The following PSD4 variants were observed in gnomAD, a reference collection of about 807,000 sequenced individuals.
PSD4 encodes the protein pleckstrin and Sec7 domain containing 4, also known as PH and SEC7 domain-containing protein 4.
Under a neutral mutation model 112.5 loss-of-function variants are expected in PSD4, and 59 were observed. The ratio of observed to expected loss-of-function variants is 0.52; its 90% CI spans 0.43 to 0.65. The LOEUF is 0.65. Among genes scored for constraint, PSD4 ranks in the 30% least tolerant of loss-of-function variants. The pLI is 0.00. For missense variants in PSD4, 1,267 were observed against 1,352.6 expected (o/e 0.94, Z 0.99); for synonymous variants, 533 against 540.0 (o/e 0.99, Z 0.18).
intron 2 of PSD4, among the ~76,000 whole-genome samples, chr2:113,183,961 T>C (rs1420053985): frequency 6.6e-6 from 1 of 152,198 alleles, no homozygotes; most frequent in Non-Finnish European, 1.5e-5. Context: ...TCCAGTCCTC[T>C]CTCTTCTTGA....
intron 1 of PSD4, among the ~76,000 whole-genome samples, chr2:113,181,599 T>C (rs1432643195): frequency 6.6e-6 from 1 of 152,090 alleles, no homozygotes; most frequent in Non-Finnish European, 1.5e-5. Context: ...AGCCTCTTCC[T>C]CCCTAGAAGG....
intron 12 of PSD4, among the ~76,000 whole-genome samples, chr2:113,196,878 T>C (rs985165025): frequency 6.6e-6 from 1 of 152,216 alleles, no homozygotes; most frequent in African/African-American, 2.4e-5. Flanking sequence ...TGGGCCTTAT[T>C]CCACAGGCAG....
At chr2:113,179,557 G>A (rs896642489) in intron 1 of PSD4, among the ~76,000 whole-genome samples, 2 of 152,190 alleles carry the variant, frequency 1.3e-5, no homozygotes, top group Non-Finnish European at 2.9e-5. Flanking sequence ...TACTCCATAG[G>A]CAGAGCAGCG....
At chr2:113,179,690 C>T (rs1445400871) in intron 1 of PSD4, among the ~76,000 whole-genome samples, 1 of 152,190 alleles carries the variant, frequency 6.6e-6, no homozygotes, top group Non-Finnish European at 1.5e-5. Flanking sequence ...TTACCCAGCC[C>T]CTATTCAAGA....
At chr2:113,184,886 G>A (rs1209114099) in intron 2 of PSD4, 71 bp from the exon 3 acceptor site, 3 of 1,594,950 alleles carry the variant, frequency 1.9e-6, no homozygotes, top group Non-Finnish European at 1.7e-6. Context: ...TTTGAGAAAG[G>A]CCCTGGGAGC....
intron 5 of PSD4, among the ~76,000 whole-genome samples, chr2:113,191,308 C>T (rs1024196687): frequency 1.3e-5 from 2 of 152,188 alleles, no homozygotes; most frequent in African/African-American, 4.8e-5. Flanking sequence ...CGGCATCTTG[C>T]TCTGTTGCCC....
chr2:113,197,009 C>T (rs1211588578), intron 12 of PSD4, among the ~76,000 whole-genome samples: 4 of 152,350 alleles, frequency 2.6e-5, no homozygotes, highest in East Asian at 1.9e-4. Context: ...GCTGTGAAGC[C>T]GCCGGGGCCC....
At chr2:113,191,689 G>C (rs951861657) in intron 5 of PSD4, among the ~76,000 whole-genome samples, 2 of 152,206 alleles carry the variant, frequency 1.3e-5, no homozygotes, top group African/African-American at 2.4e-5. Flanking sequence ...TAATGTTGTC[G>C]GGGAAGCAGA....
intron 5 of PSD4, among the ~76,000 whole-genome samples, chr2:113,190,207 G>T (rs543760828): frequency 8.5e-5 from 13 of 152,230 alleles, no homozygotes; most frequent in African/African-American, 3.1e-4. Context: ...GAGAGATGAG[G>T]ATCCAGTGTC....
intron 10 of PSD4, 31 bp downstream of exon 10, chr2:113,193,979 C>T (rs1281224990): frequency 6.3e-7 from 1 of 1,596,358 alleles, no homozygotes; most frequent in Admixed American, 1.7e-5. Flanking sequence ...TTATGAGCCT[C>T]ATGTAGGACC....
chr2:113,188,051 A>G (rs1688346084), intron 5 of PSD4, among the ~76,000 whole-genome samples: 1 of 152,230 alleles, frequency 6.6e-6, no homozygotes, highest in Admixed American at 6.5e-5. Flanking sequence ...ATGGAAGAGG[A>G]GAAAATAAAA....
At chr2:113,185,850 C>G (rs748183074) in intron 4 of PSD4, 27 bp from the exon 5 acceptor site, 1 of 1,596,458 alleles carries the variant, frequency 6.3e-7, no homozygotes, top group Non-Finnish European at 8.5e-7. Context: ...CTGCCCTGTG[C>G]CCGCCTCACT....
At chr2:113,198,709 C>T in intron 14 of PSD4, 31 bp from the exon 15 acceptor site, 1 of 1,512,902 alleles carries the variant, frequency 6.6e-7, no homozygotes, top group South Asian at 1.3e-5. Flanking sequence ...GACTCTGTGT[C>T]CCCGGGGACC....
chr2:113,188,804 G>A (rs1179808638), intron 5 of PSD4, among the ~76,000 whole-genome samples: 3 of 152,046 alleles, frequency 2.0e-5, no homozygotes, highest in East Asian at 3.9e-4. Flanking sequence ...TCCTGACCTC[G>A]TGATCTGCCC....
rs1163414995 is a variant in PSD4, at chr2:113,183,229, A to G, written c.773A>G (p.Glu258Gly). Residue 258 changes from glutamate (E) to glycine (G), a missense_variant, in exon 2 of 17, where the codon GAG becomes GGG. Glu to Gly is a moderately conservative substitution (Grantham distance 98). Around this residue, in one of 2 missense-constraint regions of PSD4, gnomAD observed 723 missense variants for 704.0 expected, o/e 1.03. Transcript: ENST00000245796. Reference sequence around the variant, plus strand: ...CTCTTCCTGGCGAGTCCTTGCTCAGAGAACAGTGCTTCTGGAGAGTGCTTT... The same window carrying G: ...CTCTTCCTGGCGAGTCCTTGCTCAGGGAACAGTGCTTCTGGAGAGTGCTTT... ...NPLFLASPCSENSASGECFSW... is the reference protein window; with the variant it reads ...NPLFLASPCSGNSASGECFSW... 1.2e-6 allele frequency: 2 copies of G among 1,614,086 alleles called. No individual in the cohort carries two copies.
intron 11 of PSD4, 69 bp downstream of exon 11, chr2:113,195,839 T>A: frequency 6.3e-7 from 1 of 1,587,944 alleles, no homozygotes; most frequent in Non-Finnish European, 8.6e-7. Flanking sequence ...CCTCCCTCTG[T>A]CACCCACCCG....
intron 1 of PSD4, among the ~76,000 whole-genome samples, chr2:113,180,483 C>T (rs193171274): frequency 1.2e-4 from 19 of 152,294 alleles, no homozygotes; most frequent in African/African-American, 3.6e-4. Flanking sequence ...GTGGGAGGAT[C>T]TCAGTGTGAG....
At position 113,196,127 on chromosome 2, in the gene PSD4, C is replaced by A; in HGVS notation, c.2226-20C>A. The A allele has an allele frequency of 1.3e-6, 2 of 1,599,950 alleles. No individual in the cohort carries two copies. Among genetic ancestry groups the A allele is most frequent in the East Asian group, 4.5e-5 (2 of 44,472 alleles). ...CTCTTTGCATAGTCAGCACTTCCAG[C>A]CCGATTCTCTGATGTTCAGGGATGA... On this transcript the variant is annotated intron_variant, in intron 11 of 16. Coordinates refer to ENST00000245796, the MANE Select transcript of PSD4 (RefSeq NM_012455.3).
chr2:113,201,414 GA>G lies in PSD4; in HGVS notation c.*1del. On this transcript the variant is annotated frameshift_variant and stop_lost, in exon 17 of 17. Transcript: ENST00000245796. LOFTEE classifies it high-confidence loss of function. Reference sequence around the variant, plus strand: ...CCTAAGCGGAACCGCAATCAGCTGTGAAGCCAGCACCACCTCAGAGACACTG... The same window carrying G: ...CCTAAGCGGAACCGCAATCAGCTGTGAGCCAGCACCACCTCAGAGACACTG... ...IIPKRNRNQL[*>X] The G allele has an allele frequency of 6.2e-7, 1 of 1,613,454 alleles. No individual in the cohort carries two copies. The highest frequency in any genetic ancestry group is 8.5e-7 in the Non-Finnish European group (1 of 1,179,938).
Sources: gnomAD v4.1 joint callset for allele counts (sites outside exome capture counted in the v4.1 genomes callset) on GRCh38, gnomAD v4.1.1 for gene constraint, gnomAD v4.1.1 regional missense constraint, MANE v1.5 for transcripts, NCBI Gene and HGNC (gene_info 2026-07-23, HGNC 2026-07-21) for gene names.